The following CDS2 variants were observed in gnomAD, a reference collection of about 807,000 sequenced individuals.
CDS2 encodes CDP-diacylglycerol synthase 2, also known as phosphatidate cytidylyltransferase 2.
In CDS2, 47 loss-of-function variants were observed where a neutral mutation model predicts 59.0. The ratio of observed to expected loss-of-function variants is 0.80; its 90% CI spans 0.63 to 1.02. CDS2 has a LOEUF of 1.02. CDS2 is among the 50% of genes least tolerant of loss of function. CDS2 has a pLI of 0.00. For synonymous variants in CDS2, 207 were observed against 206.4 expected (o/e 1.00, Z -0.02); for missense variants, 356 against 558.9 (o/e 0.64, Z 3.66).
At chr20:5,160,075 T>C (rs1048187614) in intron 1 of CDS2, among the ~76,000 whole-genome samples, 1 of 152,208 alleles carries the variant, frequency 6.6e-6, no homozygotes, top group Admixed American at 6.5e-5. Flanking sequence ...ATGATGAAGC[T>C]GAGCTGTTTG....
chr20:5,136,006 T>C (rs2090646959), intron 1 of CDS2, among the ~76,000 whole-genome samples: 1 of 152,160 alleles, frequency 6.6e-6, no homozygotes, highest in Non-Finnish European at 1.5e-5. Flanking sequence ...AGGGCCAGCT[T>C]GGGGCTTCTC....
chr20:5,185,098 T>G (rs2091057826), intron 8 of CDS2, among the ~76,000 whole-genome samples, 153 bp downstream of exon 8: 1 of 150,920 alleles, frequency 6.6e-6, no homozygotes, highest in Non-Finnish European at 1.5e-5. Flanking sequence ...AGGAAAACAC[T>G]GACAACTGAT....
intron 1 of CDS2, among the ~76,000 whole-genome samples, chr20:5,138,751 G>T (rs565483936): frequency 1.9e-4 from 29 of 152,026 alleles, no homozygotes; most frequent in African/African-American, 6.5e-4. Flanking sequence ...CTCCCAAAAT[G>T]CTGGGATTAC....
At chr20:5,139,799 CTTT>C (rs141846083) in intron 1 of CDS2, among the ~76,000 whole-genome samples, 7 of 135,120 alleles carry the variant, frequency 5.2e-5, no homozygotes, top group African/African-American at 5.5e-5. Context: ...TTTCAGCATC[CTTT>C]TTTTTTTTTT....
intron 3 of CDS2, chr20:5,175,794 C>T (rs1043449168): frequency 6.3e-6 from 1 of 158,504 alleles, no homozygotes; most frequent in Non-Finnish European, 1.4e-5. Flanking sequence ...TCAAAACAAA[C>T]AAACAAACAA....
At chr20:5,180,901 G>A (rs572031521) in intron 5 of CDS2, among the ~76,000 whole-genome samples, 6 of 152,138 alleles carry the variant, frequency 3.9e-5, no homozygotes, top group Non-Finnish European at 8.8e-5. Flanking sequence ...GAGGTCTCTT[G>A]TATTCAGGGT....
Position 5,176,691 on chromosome 20 carries a change from T to C in CDS2, c.335T>C (p.Ile112Thr). 6.2e-7 allele frequency: 1 copy of C among 1,614,206 alleles called. No individual in the cohort carries two copies. The highest frequency in any genetic ancestry group is 8.5e-7 in the Non-Finnish European group (1 of 1,179,996). Residue 112 changes from isoleucine (I) to threonine (T), a missense_variant, in exon 4 of 13, where the codon ATT becomes ACT. By Grantham distance (89) the Ile-to-Thr change is moderately conservative (BLOSUM62 -1). This residue lies in a region of CDS2 where 87 missense variants were observed against 193.3 expected (regional missense o/e 0.45). Transcript: ENST00000460006. ...AAGTGTTTCCATGAGATAATCACTA[T>C]TGGCTACAACGTCTACCACTCATAT... is the stretch of plus-strand genomic sequence containing the variant. ...QIKCFHEIIT[I>T]GYNVYHSYDL... is the part of the protein sequence containing the mutation.
At chr20:5,139,739 A>G (rs896949300) in intron 1 of CDS2, among the ~76,000 whole-genome samples, 1 of 151,112 alleles carries the variant, frequency 6.6e-6, no homozygotes, top group Non-Finnish European at 1.5e-5. Context: ...TCTGTACTTA[A>G]TTTATTGAGA....
rs146975309 is a variant in CDS2 at position 5,184,583 on chromosome 20, G to A, written c.672-275G>A. Among the ~76,000 whole-genome samples, 667 of 152,232 alleles carry A rather than the reference G, an allele frequency of 4.4e-3. 5 individuals carry two copies. Among genetic ancestry groups the A allele is most frequent in the African/African-American group, 0.015 (638 of 41,532 alleles). On this transcript the variant is annotated intron_variant, in intron 7 of 12. Coordinates refer to ENST00000460006, the MANE Select transcript of CDS2 (RefSeq NM_003818.4). This position sits in a 1 kb window ranked among gnomAD's most constrained non-coding sequence, Gnocchi z 4.3. ...CAATTAAATTTCTCTCATTGTTTAC[G>A]TATATTTCTTTATCATGAAAAAAGG... is the stretch of plus-strand genomic sequence containing the variant.
intron 1 of CDS2, among the ~76,000 whole-genome samples, chr20:5,149,671 G>A (rs1359191555): frequency 1.3e-5 from 2 of 152,092 alleles, no homozygotes; most frequent in Non-Finnish European, 2.9e-5. Flanking sequence ...CAAAGTGCTG[G>A]GATTACAGGT....
chr20:5,147,975 T>A (rs913719151), intron 1 of CDS2, among the ~76,000 whole-genome samples: 10 of 152,302 alleles, frequency 6.6e-5, no homozygotes, highest in African/African-American at 2.4e-4. Flanking sequence ...GTTTTTTCTT[T>A]TGAGACAAAG....
intron 10 of CDS2, among the ~76,000 whole-genome samples, chr20:5,188,782 G>A (rs562802299): frequency 6.6e-5 from 10 of 152,302 alleles, no homozygotes; most frequent in African/African-American, 2.4e-4. Flanking sequence ...GTCAAAGGTG[G>A]AAGCAGACAC....
intron 11 of CDS2, 76 bp downstream of exon 11, chr20:5,189,262 C>G: frequency 6.5e-7 from 1 of 1,541,448 alleles, no homozygotes; most frequent in Non-Finnish European, 9.0e-7. Context: ...TCCCTGCCCC[C>G]TCCAAAATAC....
chr20:5,193,378 T>C lies in CDS2; in HGVS notation c.*3144T>C, dbSNP rs925374342. The C allele has an allele frequency of 1.3e-5, 2 of 152,250 alleles. No individual in the cohort carries two copies. Among genetic ancestry groups the C allele is most frequent in the African/African-American group, 4.8e-5 (2 of 41,466 alleles). 9.4% of individuals were successfully genotyped at this position (152,250 alleles called of 1,614,324 possible). A position where few individuals can be genotyped will look rare whatever the true frequency, so the allele number is the denominator to read the frequency against. The stretch of plus-strand genomic sequence containing the variant: ...TCACATCCTTTGAAACTAATCTCTT[T>C]CATTGGGGAGGATACAACTTTTGAC... On this transcript the variant is annotated 3_prime_UTR_variant, in exon 13 of 13. Transcript: ENST00000460006.
At chr20:5,133,650 C>G (rs1383324859) in intron 1 of CDS2, among the ~76,000 whole-genome samples, 1 of 152,196 alleles carries the variant, frequency 6.6e-6, no homozygotes, top group East Asian at 1.9e-4. Flanking sequence ...GCCTCAGCCT[C>G]CTGAGTAACT....
chr20:5,138,185 C>T (rs73586411), intron 1 of CDS2, among the ~76,000 whole-genome samples: 17,518 of 150,892 alleles, frequency 0.12, 1,151 homozygotes, highest in Middle Eastern at 0.23. Context: ...CTCCTGGCCT[C>T]AAGTGATCCT....
At chr20:5,174,856 TAGTC>T (rs2090982992) in intron 2 of CDS2, among the ~76,000 whole-genome samples, 1 of 152,234 alleles carries the variant, frequency 6.6e-6, no homozygotes, top group Non-Finnish European at 1.5e-5. Context: ...TTTCTTCAGA[TAGTC>T]AGCTGTAGAA....
At chr20:5,163,685 A>G (rs1410293568) in intron 1 of CDS2, among the ~76,000 whole-genome samples, 1 of 152,122 alleles carries the variant, frequency 6.6e-6, no homozygotes, top group Non-Finnish European at 1.5e-5. Context: ...TGTTTCTTCA[A>G]AGACTTTCTC....
At chr20:5,133,772 G>A (rs561406851) in intron 1 of CDS2, among the ~76,000 whole-genome samples, 43 of 152,220 alleles carry the variant, frequency 2.8e-4, no homozygotes, top group African/African-American at 9.4e-4. Flanking sequence ...TGATACTCCC[G>A]CCTTGGCCTA....
Sources: allele counts gnomAD v4.1 joint callset (sites outside exome capture counted in the v4.1 genomes callset), GRCh38; gene constraint gnomAD v4.1.1; regional missense constraint gnomAD v4.1.1; non-coding constraint Gnocchi (gnomAD v3.1); transcripts MANE v1.5; gene names NCBI Gene and HGNC (gene_info 2026-07-23, HGNC 2026-07-21).